RPS6KA3: variants seen among roughly 807,000 people sequenced by gnomAD.
RPS6KA3 encodes ribosomal protein S6 kinase alpha-3.
RPS6KA3 carries 4 observed loss-of-function variants against 67.2 expected under a neutral mutation model. The observed-to-expected ratio is 0.06, with a 90% CI of 0.03 to 0.14. The LOEUF (loss-of-function observed/expected upper bound fraction) is 0.14, where lower values mean the gene tolerates loss of function less well. Ranked by LOEUF, RPS6KA3 falls within the 10% of genes least tolerant of loss-of-function variation. RPS6KA3 has a pLI of 1.00. For missense variants in RPS6KA3, 204 were observed against 559.0 expected (o/e 0.36, Z 6.40); for synonymous variants, 182 against 183.7 (o/e 0.99, Z 0.07).
intron 1 of RPS6KA3, among the ~76,000 whole-genome samples, chrX:20,249,181 T>C (rs1310535751): frequency 1.8e-5 from 2 of 112,306 alleles, no homozygotes; most frequent in Non-Finnish European, 3.8e-5. Context: ...TATTATTCCA[T>C]GATGTGGATG....
At chrX:20,165,793 C>A (rs1455930468) in intron 17 of RPS6KA3, among the ~76,000 whole-genome samples, 2 of 111,556 alleles carry the variant, frequency 1.8e-5, no homozygotes, top group African/African-American at 6.5e-5. Context: ...ATGCAAGAAA[C>A]CTCTTCTTTA....
At chrX:20,196,444 T>C (rs182804850) in intron 4 of RPS6KA3, among the ~76,000 whole-genome samples, 15 of 112,475 alleles carry the variant, frequency 1.3e-4, no homozygotes, top group Admixed American at 1.9e-4. Flanking sequence ...AAATAAATGA[T>C]TATAATACAT....
intron 1 of RPS6KA3, among the ~76,000 whole-genome samples, chrX:20,237,466 C>T (rs1476397412): frequency 1.8e-5 from 2 of 111,734 alleles, no homozygotes; most frequent in African/African-American, 6.5e-5. Flanking sequence ...TTAAAGAAAA[C>T]TGGTACAGGA....
intron 2 of RPS6KA3, among the ~76,000 whole-genome samples, chrX:20,222,611 T>A (rs2069011188): frequency 8.9e-6 from 1 of 112,155 alleles, no homozygotes; most frequent in African/African-American, 3.2e-5. Flanking sequence ...CCCTGTGAAA[T>A]CCTTTATCTT....
chrX:20,267,057 C>A (rs760337936), upstream of RPS6KA3: 57 of 753,286 alleles, frequency 7.6e-5, no homozygotes, highest in Non-Finnish European at 8.8e-5. Flanking sequence ...CAAAGCGAGG[C>A]TCGGCCGCCG....
At chrX:20,225,099 C>T (rs912077081) in intron 2 of RPS6KA3, among the ~76,000 whole-genome samples, 1 of 110,964 alleles carries the variant, frequency 9.0e-6, no homozygotes, top group Admixed American at 9.6e-5. Flanking sequence ...ACTTTGCTTT[C>T]TTTCAAAATA....
chrX:20,160,285 T>G (rs2067275902), intron 20 of RPS6KA3, among the ~76,000 whole-genome samples: 1 of 112,027 alleles, frequency 8.9e-6, no homozygotes, highest in Admixed American at 9.5e-5. Flanking sequence ...TCACATCTTT[T>G]ATCTCTAAGG....
In RPS6KA3 at chrX:20,167,803, C is replaced by CGAA. The variant is rs1328457890; in HGVS notation, c.1444-59_1444-57dup. ...TATTTGAAACTATATGTGCCCAAAA[C>CGAA]GAAGTTTAAAATATAAAGGAAAAAT... On this transcript the variant is annotated intron_variant, in intron 16 of 21. Transcript: ENST00000379565. The CGAA allele has an allele frequency of 3.8e-6, 3 of 783,294 alleles. No individual in the cohort carries two copies. The African/African-American group carries it at 6.2e-5, about 16-fold the overall frequency. The allele number at this position is 783,294 out of a possible 1,213,427, so 64.6% of individuals were successfully genotyped here.
At chrX:20,163,469 TC>T (rs924640425) in intron 18 of RPS6KA3, among the ~76,000 whole-genome samples, 11 of 92,030 alleles carry the variant, frequency 1.2e-4, no homozygotes, top group African/African-American at 2.1e-4. Flanking sequence ...ACCCCTGATT[TC>T]CCCCCCAAAA....
rs191289793 is a variant in RPS6KA3 at position 20,175,146 on chromosome X, A to G, written c.1227+18T>C. 5.0e-6 allele frequency: 6 copies of G among 1,188,812 alleles called. No individual in the cohort carries two copies. The African/African-American group carries it at 1.1e-4, about 21-fold the overall frequency. ...CTTACAACATTCCAAATCTAAAATT[A>G]TTTAGACATCCACTCACCTGAACAA... On this transcript the variant is annotated intron_variant, in intron 14 of 21. Coordinates refer to ENST00000379565, the MANE Select transcript of RPS6KA3 (RefSeq NM_004586.3).
At chrX:20,247,401 A>G (rs768229013) in intron 1 of RPS6KA3, among the ~76,000 whole-genome samples, 1 of 111,928 alleles carries the variant, frequency 8.9e-6, no homozygotes, top group East Asian at 2.8e-4. Context: ...CTATCTCAAA[A>G]AAAACAAAAT....
chrX:20,238,494 T>C (rs903731870), intron 1 of RPS6KA3, among the ~76,000 whole-genome samples: 4 of 110,429 alleles, frequency 3.6e-5, no homozygotes, highest in Admixed American at 9.6e-5. Flanking sequence ...ATATATTAGA[T>C]TCCAAATCTG....
chrX:20,192,159 A>G (rs2068148573), intron 7 of RPS6KA3, among the ~76,000 whole-genome samples: 1 of 108,870 alleles, frequency 9.2e-6, no homozygotes, highest in South Asian at 3.8e-4. Flanking sequence ...TTATAAAAGG[A>G]AAAAAAAAAC....
chrX:20,168,046 C>T lies in RPS6KA3; in HGVS notation c.1444-299G>A, dbSNP rs751919490. ...CATTTTTTGTAGAGACGAGCTTTTG[C>T]TGTGTCTCCATGAGCAGGGATAATC... On this transcript the variant is annotated intron_variant, in intron 16 of 21. Coordinates refer to ENST00000379565, the MANE Select transcript of RPS6KA3 (RefSeq NM_004586.3). Among the ~76,000 whole-genome samples, 7 of 111,896 alleles carry T rather than the reference C, an allele frequency of 6.3e-5. No individual in the cohort carries two copies. The East Asian group carries it at 1.4e-3, about 22-fold the overall frequency.
intron 9 of RPS6KA3, among the ~76,000 whole-genome samples, chrX:20,187,121 T>C (rs1433211852): frequency 8.9e-6 from 1 of 112,010 alleles, no homozygotes; most frequent in Non-Finnish European, 1.9e-5. Context: ...TTCACCATGT[T>C]GGCCAGGCTG....
chrX:20,234,966 C>T (rs1031929106), intron 1 of RPS6KA3, 152 bp from the exon 2 acceptor site: 1 of 456,416 alleles, frequency 2.2e-6, no homozygotes, highest in Non-Finnish European at 3.9e-6. Flanking sequence ...TATGCAGTTG[C>T]TAAATTTGCA....
chrX:20,208,610 C>G (rs929266363), intron 3 of RPS6KA3, among the ~76,000 whole-genome samples: 1 of 110,488 alleles, frequency 9.1e-6, no homozygotes, highest in Non-Finnish European at 1.9e-5. Context: ...CCCAGCTACT[C>G]AGGAGGCTGA....
intron 10 of RPS6KA3, among the ~76,000 whole-genome samples, chrX:20,182,006 T>G (rs1368188877): frequency 8.9e-6 from 1 of 111,873 alleles, no homozygotes; most frequent in East Asian, 2.8e-4. Context: ...GGTTCAGTGA[T>G]GAAAGTTCAG....
intron 14 of RPS6KA3, among the ~76,000 whole-genome samples, chrX:20,173,908 C>T (rs1429931834): frequency 8.9e-6 from 1 of 112,213 alleles, no homozygotes; most frequent in Non-Finnish European, 1.9e-5. Flanking sequence ...TATCGAGTTC[C>T]CTTTGATTAG....
Sources: allele counts gnomAD v4.1 joint callset (sites outside exome capture counted in the v4.1 genomes callset), GRCh38; gene constraint gnomAD v4.1.1; transcripts MANE v1.5; gene names NCBI Gene and HGNC (gene_info 2026-07-23, HGNC 2026-07-21).